FRMPD3: variants seen among roughly 807,000 people sequenced by gnomAD.
FRMPD3 encodes the protein FERM and PDZ domain containing 3.
FRMPD3 carries 42 observed loss-of-function variants against 97.9 expected under a neutral mutation model. The observed-to-expected ratio is 0.43, with a 90% confidence interval of 0.34 to 0.55. The LOEUF (loss-of-function observed/expected upper bound fraction) is 0.55, where lower values mean the gene tolerates loss of function less well. FRMPD3 is among the 20% of genes least tolerant of loss of function. The probability of loss-of-function intolerance (pLI) is 0.03; values close to 1 mark genes in which losing one functional copy is unlikely to be tolerated. For missense variants in FRMPD3, 1,303 were observed against 1,457.7 expected (o/e 0.89, Z 1.73); for synonymous variants, 577 against 581.1 (o/e 0.99, Z 0.10).
In FRMPD3 at chrX:107,539,658, T is replaced by C. The variant is rs180733084; in HGVS notation, c.298-6079T>C. Among the ~76,000 whole-genome samples, 5 of 111,184 alleles carry C rather than the reference T, an allele frequency of 4.5e-5. No homozygotes were observed. The East Asian group carries it at 1.4e-3, about 31-fold the overall frequency. On this transcript the variant is annotated intron_variant, in intron 4 of 14. Coordinates refer to ENST00000683843, the MANE Select transcript of FRMPD3 (RefSeq NM_001388459.1). ...TTCTACAGAGCTTCCTGACGTATAG[T>C]GTTTGTCAGATGGTAGATACTCCAA...
chrX:107,593,670 G>A (rs1482915928), intron 13 of FRMPD3, among the ~76,000 whole-genome samples: 1 of 111,512 alleles, frequency 9.0e-6, no homozygotes, highest in Non-Finnish European at 1.9e-5. Context: ...CCCACTTTAT[G>A]TTTTTGTTTG....
In FRMPD3 at chrX:107,604,447, T is replaced by G. The variant is rs1351031207; in HGVS notation, c.*1074T>G. ...AAAAGAAGCTGAGCGCCTTACCCGG[T>G]GCAGTCCTGCACCTTTCTCCCTCTC... On this transcript the variant is annotated 3_prime_UTR_variant, in exon 15 of 15. Coordinates refer to ENST00000683843, the MANE Select transcript of FRMPD3 (RefSeq NM_001388459.1). The G allele has an allele frequency of 9.1e-6, 1 of 110,222 alleles. No individual in the cohort carries two copies. Among genetic ancestry groups the G allele is most frequent in the Non-Finnish European group, 1.9e-5 (1 of 52,638 alleles). The allele number at this position is 110,222 out of a possible 1,213,427, so 9.1% of individuals were successfully genotyped here. A position where few individuals can be genotyped will look rare whatever the true frequency, so the allele number is the denominator to read the frequency against.
At chrX:107,500,108 A>G (rs1221630830) in intron 1 of FRMPD3, among the ~76,000 whole-genome samples, 1 of 112,114 alleles carries the variant, frequency 8.9e-6, no homozygotes, top group Non-Finnish European at 1.9e-5. Context: ...TTCTTTTAAT[A>G]AAAACGGCAA....
chrX:107,592,374 A>AT (rs1318696764), intron 13 of FRMPD3, among the ~76,000 whole-genome samples: 18 of 111,778 alleles, frequency 1.6e-4, no homozygotes, highest in South Asian at 7.5e-4. Context: ...CATTAAAAAA[A>AT]TTTTTTAATA....
chrX:107,496,166 A>T (rs1921770101), intron 1 of FRMPD3, among the ~76,000 whole-genome samples: 1 of 112,183 alleles, frequency 8.9e-6, no homozygotes, highest in South Asian at 3.8e-4. Context: ...CATCGTCATC[A>T]TTATTGTGGG....
chrX:107,478,499 T>C (rs1359176929), intron 1 of FRMPD3, among the ~76,000 whole-genome samples: 1 of 111,770 alleles, frequency 8.9e-6, no homozygotes, highest in Non-Finnish European at 1.9e-5. Flanking sequence ...CCCAAGTGAA[T>C]TGTAAACTCA....
intron 1 of FRMPD3, among the ~76,000 whole-genome samples, chrX:107,489,121 T>C (rs1171395966): frequency 1.8e-5 from 2 of 108,624 alleles, no homozygotes; most frequent in Non-Finnish European, 3.8e-5. Flanking sequence ...TTGCTGACAA[T>C]GATGGTTTCC....
chrX:107,463,763 C>G (rs1318822938), intron 1 of FRMPD3, among the ~76,000 whole-genome samples: 1 of 112,570 alleles, frequency 8.9e-6, no homozygotes, highest in Non-Finnish European at 1.9e-5. Context: ...TCCAGAAGAC[C>G]TCTGTTAAAA....
At chrX:107,482,270 C>G (rs1385484811) in intron 1 of FRMPD3, among the ~76,000 whole-genome samples, 1 of 111,460 alleles carries the variant, frequency 9.0e-6, no homozygotes, top group Non-Finnish European at 1.9e-5. Context: ...CCAGCCTGCT[C>G]CCCCTCCTTC....
chrX:107,595,649 G>T (rs755825914), intron 13 of FRMPD3, among the ~76,000 whole-genome samples: 1 of 111,263 alleles, frequency 9.0e-6, no homozygotes, highest in African/African-American at 3.3e-5. Context: ...ATTGAAAGTG[G>T]AGTATTGGCC....
In FRMPD3 at chrX:107,572,908, C is replaced by CTACTACTACTACTACTAATAA. The variant is rs796610991; in HGVS notation, c.1297-3405_1297-3404insCTACTACTACTACTAATAATA. ...ACTACTACTACTACTACTACTACTA[C>CTACTACTACTACTACTAATAA]TAATAATAATAATAATAATAAAGTA... On this transcript the variant is annotated intron_variant, in intron 12 of 14. Transcript: ENST00000683843. Among the ~76,000 whole-genome samples, 60 of 101,001 alleles carry CTACTACTACTACTACTAATAA rather than the reference C, an allele frequency of 5.9e-4. 1 individual carries two copies. Among genetic ancestry groups the CTACTACTACTACTACTAATAA allele is most frequent in the African/African-American group, 2.2e-3 (58 of 26,769 alleles). The allele number at this position is 101,001 out of a possible 115,157, so 87.7% of individuals were successfully genotyped here. A position where few individuals can be genotyped will look rare whatever the true frequency, so the allele number is the denominator to read the frequency against.
intron 4 of FRMPD3, among the ~76,000 whole-genome samples, chrX:107,542,824 T>C (rs751138721): frequency 8.9e-6 from 1 of 111,845 alleles, no homozygotes. Context: ...AAATTCCTGA[T>C]TGTAGGACTC....
rs1054195183 is a variant in FRMPD3, at chrX:107,601,691, A to G, written c.3652A>G (p.Asn1218Asp). 62 of 1,209,560 alleles carry G rather than the reference A, an allele frequency of 5.1e-5. No homozygotes were observed. The highest frequency in any genetic ancestry group is 6.5e-5 in the Non-Finnish European group (58 of 895,221). ...KSSRGPFRLRNLFSATFPTRQ... is the reference protein window; with the variant it reads ...KSSRGPFRLRDLFSATFPTRQ... ...ATCCCGAGGTCCTTTCCGGCTACGC[A>G]ATTTATTCTCTGCCACCTTCCCAAC... The change falls in exon 15 of 15, where the codon AAT (asparagine) becomes GAT (aspartate). Residue 1218 changes from asparagine to aspartate, a missense_variant. Around this residue, in one of 3 missense-constraint regions of FRMPD3, gnomAD observed 764 missense variants for 820.2 expected, o/e 0.93. Transcript: ENST00000683843.
In FRMPD3 at chrX:107,603,140, A is replaced by C; in HGVS notation, c.5101A>C (p.Thr1701Pro). ...AKVEEVVRNY[T>P]FLLRAAEEST... ...GGTAGAAGAGGTGGTGAGGAACTAC[A>C]CCTTCCTGCTGCGTGCAGCTGAGGA... The change falls in exon 15 of 15, where the codon ACC (threonine) becomes CCC (proline). Residue 1701 changes from threonine (T) to proline (P), a missense_variant. By Grantham distance (38) the Thr-to-Pro change is conservative. Around this residue, in one of 3 missense-constraint regions of FRMPD3, gnomAD observed 764 missense variants for 820.2 expected, o/e 0.93. Coordinates refer to ENST00000683843, the MANE Select transcript of FRMPD3 (RefSeq NM_001388459.1). 1 of 1,179,101 alleles carries C rather than the reference A, an allele frequency of 8.5e-7. No individual in the cohort carries two copies. Among genetic ancestry groups the C allele is most frequent in the Non-Finnish European group, 1.1e-6 (1 of 881,244 alleles).
Position 107,601,351 on chromosome X carries a change from G to A in FRMPD3, c.3312G>A (p.Gly1104=), listed in dbSNP as rs1924496280. ...AGCAGGGCACCATCTCCAGCCAAGG[G>A]GAGAAGGCGCAGCTGGAGAGCACAC... The part of the protein sequence containing the change: ...LQKQGTISSQ[G]EKAQLESTPK... The change falls in exon 15 of 15, where the codon GGG becomes GGA. Residue 1104 remains glycine (G), a synonymous_variant. Transcript: ENST00000683843. 1 of 1,205,674 alleles carries A rather than the reference G, an allele frequency of 8.3e-7. No homozygotes were observed. Among genetic ancestry groups the A allele is most frequent in the African/African-American group, 1.7e-5 (1 of 57,160 alleles).
chrX:107,497,683 T>G (rs1474352503), intron 1 of FRMPD3, among the ~76,000 whole-genome samples: 1 of 112,440 alleles, frequency 8.9e-6, no homozygotes, highest in East Asian at 2.8e-4. Context: ...ATTAGGTTAA[T>G]TACTACAGTG....
intron 1 of FRMPD3, among the ~76,000 whole-genome samples, chrX:107,505,286 C>T (rs1248341492): frequency 8.9e-6 from 1 of 112,109 alleles, no homozygotes; most frequent in East Asian, 2.8e-4. Flanking sequence ...AAACTGAAGT[C>T]CCCAAAGGAT....
intron 1 of FRMPD3, among the ~76,000 whole-genome samples, chrX:107,502,349 G>A (rs1921931794): frequency 9.0e-6 from 1 of 111,375 alleles, no homozygotes; most frequent in Admixed American, 9.4e-5. Context: ...AGTACCCCAG[G>A]TGGGCCTGGG....
chrX:107,510,353 G>A (rs1425289256), intron 1 of FRMPD3, among the ~76,000 whole-genome samples: 1 of 111,113 alleles, frequency 9.0e-6, no homozygotes, highest in Non-Finnish European at 1.9e-5. Flanking sequence ...GGATTCCTTA[G>A]GATTCTGTTT....
Sources: gnomAD v4.1 joint callset for allele counts (sites outside exome capture counted in the v4.1 genomes callset) on GRCh38, gnomAD v4.1.1 for gene constraint, gnomAD v4.1.1 regional missense constraint, MANE v1.5 for transcripts, NCBI Gene and HGNC (gene_info 2026-07-23, HGNC 2026-07-21) for gene names.